Variants in DCLRE1C observed in about 807,000 individuals in gnomAD.
DCLRE1C encodes protein artemis.
In DCLRE1C, 47 loss-of-function variants were observed where a neutral mutation model predicts 61.4. That is an observed-to-expected ratio of 0.77 (90% CI 0.61 to 0.98). DCLRE1C has a LOEUF of 0.98. Among genes scored for constraint, DCLRE1C ranks in the 50% least tolerant of loss-of-function variants. The probability of loss-of-function intolerance (pLI) is 0.00; values close to 1 mark genes in which losing one functional copy is unlikely to be tolerated. For missense variants in DCLRE1C, 858 were observed against 816.0 expected, an observed-to-expected ratio of 1.05 and a Z score of -0.63; for synonymous variants, 337 against 287.6, an observed-to-expected ratio of 1.17 and a Z score of -1.74.
exon 14 of DCLRE1C, chr10:14,897,768 G>A (rs1175538649): frequency 3.8e-6 from 1 of 266,100 alleles, no homozygotes; most frequent in Non-Finnish European, 6.9e-6. Context: ...ATTCCTACTA[G>A]TCAAACCTAG....
chr10:14,898,073 A>G (rs1196682523), exon 14 of DCLRE1C: 2 of 149,898 alleles, frequency 1.3e-5, no homozygotes, highest in Non-Finnish European at 2.9e-5. Flanking sequence ...ATTTATTTGT[A>G]TACAAATCAT....
chr10:14,925,152 G>A (rs962443599), intron 11 of DCLRE1C, among the ~76,000 whole-genome samples: 9 of 147,422 alleles, frequency 6.1e-5, no homozygotes, highest in African/African-American at 1.8e-4. Flanking sequence ...TTACCTGCCC[G>A]CCCAACACCG....
At chr10:14,923,857 C>T (rs184642927) in intron 11 of DCLRE1C, among the ~76,000 whole-genome samples, 164 of 152,326 alleles carry the variant, frequency 1.1e-3, no homozygotes, top group African/African-American at 3.7e-3. Flanking sequence ...CAGTCAAGCA[C>T]TGGAGGGAGC....
Position 14,926,898 on chromosome 10 carries a change from C to T in DCLRE1C, c.918-1G>A. 6.2e-7 allele frequency: 1 copy of T among 1,612,898 alleles called. No homozygotes were observed. Among genetic ancestry groups the T allele is most frequent in the Non-Finnish European group, 8.5e-7 (1 of 1,179,170 alleles). ...AGCTCTGTATGAACTCTCTCCAGTC[C>T]TAAAGGGAAGTGAAAACACAAAATA... On this transcript the variant is annotated splice_acceptor_variant, in intron 10 of 13. Coordinates refer to ENST00000378278, the MANE Select transcript of DCLRE1C (RefSeq NM_001033855.3). LOFTEE classifies it high-confidence loss of function.
chr10:14,940,746 T>G (rs2131041153), intron 3 of DCLRE1C, among the ~76,000 whole-genome samples: 1 of 152,320 alleles, frequency 6.6e-6, no homozygotes, highest in Non-Finnish European at 1.5e-5. Context: ...AAACTTACAG[T>G]GTCTAAGGTT....
At chr10:14,949,581 T>C (rs1842160210) in intron 1 of DCLRE1C, among the ~76,000 whole-genome samples, 2 of 152,228 alleles carry the variant, frequency 1.3e-5, no homozygotes, top group Non-Finnish European at 2.9e-5. Context: ...GAAAGGGGAA[T>C]ATTACTATCC....
At position 14,936,572 on chromosome 10, in the gene DCLRE1C, G is replaced by C. The variant is rs774239837; in HGVS notation, c.328C>G (p.Leu110Val). 6.8e-6 allele frequency: 11 copies of C among 1,613,244 alleles called. No homozygotes were observed. The highest frequency in any genetic ancestry group is 2.2e-5 in the East Asian group (1 of 44,866). Reference sequence around the variant, plus strand: ...CCCGGACAGTGACCAGCTGGTAAGAGAGTCACAACAATCTCTTCCTTCTAA... The same window carrying C: ...CCCGGACAGTGACCAGCTGGTAAGACAGTCACAACAATCTCTTCCTTCTAA... ...SGEKEEIVVT[L>V]LPAGHCPGSV... The change falls in exon 5 of 14, where the codon CTC (leucine) becomes GTC (valine). Residue 110 changes from leucine to valine, a missense_variant. Coordinates refer to ENST00000378278, the MANE Select transcript of DCLRE1C (RefSeq NM_001033855.3).
chr10:14,898,202 C>CTTTTT lies in DCLRE1C; in HGVS notation c.*957_*961dup, dbSNP rs919860514. On this transcript the variant is annotated 3_prime_UTR_variant, in exon 14 of 14. Coordinates refer to the DCLRE1C transcript ENST00000378289. ...AAAACTCAGTGAGGTAGTACTGTTT[C>CTTTTT]TTTTTTTTTTTTTTTTTTTTTTTTT... The CTTTTT allele has an allele frequency of 8.0e-4, 45 of 56,152 alleles. 3 individuals carry two copies. The highest frequency in any genetic ancestry group is 1.5e-3 in the African/African-American group (21 of 14,148). The allele number at this position is 56,152 out of a possible 1,614,324, so 3.5% of individuals were successfully genotyped here.
rs1834310639 is a variant in DCLRE1C at position 14,905,423 on chromosome 10, G to T, written c.*2985C>A. On this transcript the variant is annotated 3_prime_UTR_variant, in exon 14 of 14. Coordinates refer to ENST00000378278, the MANE Select transcript of DCLRE1C (RefSeq NM_001033855.3). ...TTAGAATTCAGAGCTCATATTCATT[G>T]ACCCAGTCTTTTATGCCTTTTATAT... Among the ~76,000 whole-genome samples, 1 of 152,174 alleles carries T rather than the reference G, an allele frequency of 6.6e-6. No individual in the cohort carries two copies. Among genetic ancestry groups the T allele is most frequent in the African/African-American group, 2.4e-5 (1 of 41,440 alleles).
intron 5 of DCLRE1C, among the ~76,000 whole-genome samples, chr10:14,936,326 C>CTTT (rs201889030): frequency 7.3e-6 from 1 of 137,240 alleles, no homozygotes; most frequent in East Asian, 2.1e-4. Flanking sequence ...TTCTTTCTTT[C>CTTT]TTTTTTTTTT....
downstream of DCLRE1C, chr10:14,899,814 A>C: frequency 6.2e-6 from 7 of 1,137,416 alleles, no homozygotes; most frequent in Non-Finnish European, 8.5e-6. Context: ...TTTTATAAGG[A>C]GGGCAGCTTC....
intron 1 of DCLRE1C, among the ~76,000 whole-genome samples, chr10:14,952,183 T>C (rs1321400908): frequency 2.6e-5 from 4 of 152,232 alleles, no homozygotes; most frequent in Admixed American, 1.3e-4. Flanking sequence ...TTCGGAAGTA[T>C]ACTTTAATCC....
At chr10:14,931,038 A>G (rs1838900601) in intron 9 of DCLRE1C, among the ~76,000 whole-genome samples, 1 of 152,244 alleles carries the variant, frequency 6.6e-6, no homozygotes, top group Non-Finnish European at 1.5e-5. Context: ...TACTACAATA[A>G]TAGTGATCTA....
At chr10:14,940,443 T>C (rs1465863006) in intron 3 of DCLRE1C, among the ~76,000 whole-genome samples, 1 of 152,070 alleles carries the variant, frequency 6.6e-6, no homozygotes, top group East Asian at 1.9e-4. Context: ...CGCCCGCTAC[T>C]ACGCAAGGCT....
Position 14,940,662 on chromosome 10 carries a change from A to G in DCLRE1C, c.247-793T>C, listed in dbSNP as rs560611729. Among the ~76,000 whole-genome samples, 10 of 152,326 alleles carry G rather than the reference A, an allele frequency of 6.6e-5. No homozygotes were observed. The East Asian group carries it at 1.9e-3, about 29-fold the overall frequency. ...CTGCCATCAAAACAGAGACTAGCAC[A>G]TAAGAGGCATTCAGTAAGTATCTGA... On this transcript the variant is annotated intron_variant, in intron 3 of 13. Transcript: ENST00000378278.
At position 14,908,981 on chromosome 10, in the gene DCLRE1C, C is replaced by G. The variant is rs756895191; in HGVS notation, c.1506G>C (p.Glu502Asp). ...FFKRNDEITD[E>D]SLENFPSSTV... ...TGGAGGAAGGGAAGTTTTCCAAACT[C>G]TCATCTGTGATTTCATCATTTCTTT... The change falls in exon 14 of 14, where the codon GAG becomes GAC. Residue 502 changes from glutamate (E) to aspartate (D), a missense_variant. Transcript: ENST00000378278. The G allele has an allele frequency of 6.2e-7, 1 of 1,614,122 alleles. No individual in the cohort carries two copies. The highest frequency in any genetic ancestry group is 2.2e-5 in the East Asian group (1 of 44,874).
At chr10:14,935,408 C>T in intron 6 of DCLRE1C, 55 bp downstream of exon 6, 3 of 1,575,362 alleles carry the variant, frequency 1.9e-6, no homozygotes, top group Non-Finnish European at 8.7e-7. Flanking sequence ...CACAGCAAGA[C>T]TCCATTTCAC....
At position 14,935,538 on chromosome 10, in the gene DCLRE1C, G is replaced by T; in HGVS notation, c.389C>A (p.Thr130Asn). 1 of 1,614,114 alleles carries T rather than the reference G, an allele frequency of 6.2e-7. No homozygotes were observed. The change falls in exon 6 of 14, where the codon ACT (threonine) becomes AAT (asparagine). Residue 130 changes from threonine (T) to asparagine (N), a missense_variant. Thr to Asn is a moderately conservative substitution (Grantham distance 65). Around this residue, in one of 2 missense-constraint regions of DCLRE1C, gnomAD observed 843 missense variants for 783.5 expected, o/e 1.08. Transcript: ENST00000378278. The part of the protein sequence containing the change: ...VMFLFQGNNG[T>N]VLYTGDFRLA... ...TCTGAAGTCTCCTGTGTACAGGACA[G>T]TTCCATTATTGCCCTGAAATAAAAA... is the stretch of plus-strand genomic sequence containing the variant.
At chr10:14,913,679 A>C (rs974792525) in intron 13 of DCLRE1C, among the ~76,000 whole-genome samples, 5 of 152,244 alleles carry the variant, frequency 3.3e-5, no homozygotes, top group African/African-American at 1.2e-4. Flanking sequence ...AATACAAAAA[A>C]CACAAAAATT....
Sources: gnomAD v4.1 joint callset for allele counts (sites outside exome capture counted in the v4.1 genomes callset) on GRCh38, gnomAD v4.1.1 for gene constraint, gnomAD v4.1.1 regional missense constraint, MANE v1.5 for transcripts, NCBI Gene and HGNC (gene_info 2026-07-23, HGNC 2026-07-21) for gene names.